AFAP1L2: variants seen among roughly 807,000 people sequenced by gnomAD.
AFAP1L2 encodes actin filament associated protein 1 like 2.
AFAP1L2 carries 46 observed loss-of-function variants against 99.3 expected under a neutral mutation model. That is an observed-to-expected ratio of 0.46 (90% CI 0.37 to 0.59). The LOEUF is 0.59. Ranked by LOEUF, AFAP1L2 falls within the 20% of genes least tolerant of loss-of-function variation. The probability of loss-of-function intolerance (pLI) is 0.00; values close to 1 mark genes in which losing one functional copy is unlikely to be tolerated. For missense variants in AFAP1L2, 959 were observed against 1,034.9 expected (o/e 0.93, Z 1.01); for synonymous variants, 397 against 419.1 (o/e 0.95, Z 0.64).
the AFAP1L2 span, chr10:114,285,837 C>G: frequency 5.5e-6 from 7 of 1,282,334 alleles, no homozygotes; most frequent in Non-Finnish European, 7.3e-6. Context: ...CACAGTTTCT[C>G]TGCACCATCT....
the AFAP1L2 span, among the ~76,000 whole-genome samples, chr10:114,285,656 G>C: frequency 6.6e-6 from 1 of 152,214 alleles, no homozygotes; most frequent in Non-Finnish European, 1.5e-5. Context: ...GGCAGACAAA[G>C]ATTTCTCAGG....
At chr10:114,315,414 T>A (rs750321727) in intron 6 of AFAP1L2, 146 bp downstream of exon 6, 3 of 774,926 alleles carry the variant, frequency 3.9e-6, no homozygotes, top group Non-Finnish European at 6.2e-6. Flanking sequence ...CTGTATACAA[T>A]TTCAGATTAG....
At chr10:114,288,891 TCTGA>T in the AFAP1L2 span, 23 of 1,560,872 alleles carry the variant, frequency 1.5e-5, no homozygotes, top group South Asian at 2.8e-4. Context: ...GTCGAGGGGC[TCTGA>T]CTGGCACATC....
intron 2 of AFAP1L2, among the ~76,000 whole-genome samples, chr10:114,339,373 G>A (rs2048444703): frequency 6.6e-6 from 1 of 152,210 alleles, no homozygotes; most frequent in African/African-American, 2.4e-5. Context: ...CGTGAACCCG[G>A]AAGGCGGAGC....
At chr10:114,355,098 C>T (rs2051122792) in intron 1 of AFAP1L2, among the ~76,000 whole-genome samples, 2 of 152,094 alleles carry the variant, frequency 1.3e-5, no homozygotes, top group Non-Finnish European at 2.9e-5. Context: ...AAACCATGGC[C>T]AAACAACTAG....
chr10:114,286,255 C>T, the AFAP1L2 span: 3 of 1,610,396 alleles, frequency 1.9e-6, no homozygotes, highest in African/African-American at 2.7e-5. Context: ...GGAGCGCCAC[C>T]AGGACAGGCC....
chr10:114,386,876 G>A (rs760603869), intron 1 of AFAP1L2, among the ~76,000 whole-genome samples: 5 of 152,228 alleles, frequency 3.3e-5, no homozygotes, highest in Non-Finnish European at 4.4e-5. Flanking sequence ...CGCAAAATGA[G>A]GGCACTCCCA....
At chr10:114,345,277 G>A (rs1422620703) in intron 1 of AFAP1L2, among the ~76,000 whole-genome samples, 1 of 152,046 alleles carries the variant, frequency 6.6e-6, no homozygotes, top group African/African-American at 2.4e-5. Flanking sequence ...CAGAACTGTG[G>A]ATTGGGGGTG....
At position 114,307,861 on chromosome 10, in the gene AFAP1L2, A is replaced by G; in HGVS notation, c.1016T>C (p.Leu339Pro). The change falls in exon 10 of 19, where the codon CTG becomes CCG. Residue 339 changes from leucine (L) to proline (P), a missense_variant. Leu to Pro is a moderately conservative substitution (Grantham distance 98). This residue lies in a region of AFAP1L2 where 383 missense variants were observed against 472.8 expected (regional missense o/e 0.81). Coordinates refer to ENST00000304129, the MANE Select transcript of AFAP1L2 (RefSeq NM_001001936.3). ...AGLKLSNLMN[L>P]GRKKSTSLEP... is the part of the protein sequence containing the mutation. Reference sequence around the variant, plus strand: ...CAGTGAGGTGGATTTCTTCCTGCCCAGATTCATTAGGTTGCTCAGTTTGAG... The same window carrying G: ...CAGTGAGGTGGATTTCTTCCTGCCCGGATTCATTAGGTTGCTCAGTTTGAG... 2 of 1,614,188 alleles carry G rather than the reference A, an allele frequency of 1.2e-6. No individual in the cohort carries two copies. Among genetic ancestry groups the G allele is most frequent in the Non-Finnish European group, 8.5e-7 (1 of 1,180,026 alleles).
intron 7 of AFAP1L2, among the ~76,000 whole-genome samples, chr10:114,311,404 T>G (rs2043217994): frequency 6.6e-6 from 1 of 152,164 alleles, no homozygotes; most frequent in Non-Finnish European, 1.5e-5. Context: ...CTAGAGCAGT[T>G]TGTGGAAATG....
chr10:114,393,730 G>A (rs765942734), intron 1 of AFAP1L2, among the ~76,000 whole-genome samples: 9 of 152,144 alleles, frequency 5.9e-5, no homozygotes, highest in Non-Finnish European at 1.2e-4. Flanking sequence ...AGTTGGGAGC[G>A]ACACCTGGAT....
upstream of AFAP1L2, chr10:114,404,600 TCCTCGGACCTGGCCCCCGCCAGGGCTCG>T: frequency 8.2e-7 from 1 of 1,220,348 alleles, no homozygotes; most frequent in South Asian, 2.2e-5. Context: ...GCGCCCAGGG[TCCTCGGACCTGGCCCCCGCCAGGGCTCG>T]CCCCCAGCGC....
chr10:114,290,142 T>C, downstream of AFAP1L2: 3 of 1,474,272 alleles, frequency 2.0e-6, no homozygotes, highest in Non-Finnish European at 2.7e-6. Context: ...GACATGACTC[T>C]AGTAGCCTTG....
chr10:114,324,409 C>G (rs1314891686), intron 4 of AFAP1L2, among the ~76,000 whole-genome samples: 2 of 146,532 alleles, frequency 1.4e-5, no homozygotes, highest in South Asian at 2.2e-4. Context: ...CCCCCCCCCC[C>G]CCCGGCTAAT....
In AFAP1L2 at chr10:114,315,719, C is replaced by T. The variant is rs765530699; in HGVS notation, c.453G>A (p.Glu151=). The change falls in exon 6 of 19, where the codon GAG becomes GAA. Residue 151 remains glutamate, a synonymous_variant. Coordinates refer to ENST00000304129, the MANE Select transcript of AFAP1L2 (RefSeq NM_001001936.3). Reference sequence around the variant, plus strand: ...GGGCCGACTTGCCCTTGCTGCCGTCCTCTTCATCGTAGGACTCGTAGGAGC... The same window carrying T: ...GGGCCGACTTGCCCTTGCTGCCGTCTTCTTCATCGTAGGACTCGTAGGAGC... ...VSSSYESYDE[E]DGSKGKSAPY... is the part of the protein sequence containing the mutation. 1.2e-6 allele frequency: 2 copies of T among 1,613,532 alleles called. No homozygotes were observed. Among genetic ancestry groups the T allele is most frequent in the South Asian group, 2.2e-5 (2 of 91,016 alleles).
chr10:114,327,147 T>TTTTATATATATA (rs1364666260), intron 4 of AFAP1L2, among the ~76,000 whole-genome samples: 2 of 54,566 alleles, frequency 3.7e-5, no homozygotes, highest in Non-Finnish European at 9.7e-5. Context: ...TTATATATAT[T>TTTTATATATATA]TATATATATA....
chr10:114,324,498 G>T (rs1278711820), intron 4 of AFAP1L2, among the ~76,000 whole-genome samples: 1 of 150,264 alleles, frequency 6.7e-6, no homozygotes, highest in Admixed American at 6.7e-5. Flanking sequence ...CTGACTGCCC[G>T]CCTTGGCCTC....
intron 4 of AFAP1L2, among the ~76,000 whole-genome samples, chr10:114,327,929 G>A (rs560906671): frequency 9.8e-5 from 15 of 152,348 alleles, no homozygotes; most frequent in South Asian, 4.1e-4. Flanking sequence ...CCCAGCCTCC[G>A]AGGCTAGCCA....
rs1314108844 is a variant in AFAP1L2 at position 114,305,162 on chromosome 10, G to T, written c.1073-232C>A. ...GCAGGAGGGGACTGGGCTGCAGGAG[G>T]GGACTGGGCTGCAGGAGGGGACGCA... is the stretch of plus-strand genomic sequence containing the variant. On this transcript the variant is annotated intron_variant, in intron 10 of 18. Coordinates refer to ENST00000304129, the MANE Select transcript of AFAP1L2 (RefSeq NM_001001936.3). The T allele has an allele frequency of 1.1e-5, 6 of 539,146 alleles. No individual in the cohort carries two copies. The Admixed American group carries it at 1.6e-4, about 14-fold the overall frequency. The allele number at this position is 539,146 out of a possible 1,614,324, so 33.4% of individuals were successfully genotyped here. A position where few individuals can be genotyped will look rare whatever the true frequency, so the allele number is the denominator to read the frequency against.
Sources: allele counts gnomAD v4.1 joint callset (sites outside exome capture counted in the v4.1 genomes callset), GRCh38; gene constraint gnomAD v4.1.1; regional missense constraint gnomAD v4.1.1; transcripts MANE v1.5; gene names NCBI Gene and HGNC (gene_info 2026-07-23, HGNC 2026-07-21).